Variants in COMMD7 observed in about 807,000 individuals in gnomAD.
COMMD7 encodes the protein COMM domain containing 7, also known as COMM domain-containing protein 7.
In COMMD7, 28 loss-of-function variants were observed where a neutral mutation model predicts 34.8. The observed-to-expected ratio is 0.80, with a 90% CI of 0.60 to 1.10. The LOEUF (loss-of-function observed/expected upper bound fraction) is 1.10. Among genes scored for constraint, COMMD7 ranks in the 50% least tolerant of loss-of-function variants. The pLI, the probability that COMMD7 is intolerant of heterozygous loss-of-function variation, is 0.00. For missense variants in COMMD7, 211 were observed against 241.6 expected (o/e 0.87, Z 0.84); for synonymous variants, 80 against 86.4 (o/e 0.93, Z 0.41).
At chr20:32,709,530 A>G (rs926019504) in intron 3 of COMMD7, among the ~76,000 whole-genome samples, 1 of 152,204 alleles carries the variant, frequency 6.6e-6, no homozygotes, top group Non-Finnish European at 1.5e-5. Flanking sequence ...AGCCTGGGCG[A>G]CAGAGCGAGA....
intron 8 of COMMD7, 164 bp from the exon 9 acceptor site, chr20:32,703,622 T>G (rs1983876175): frequency 6.9e-7 from 1 of 1,439,680 alleles, no homozygotes; most frequent in Non-Finnish European, 9.1e-7. Context: ...GAGACTTGAA[T>G]GCAGAAGGTT....
intron 1 of COMMD7, among the ~76,000 whole-genome samples, chr20:32,729,343 A>AT (rs1304409052): frequency 3.3e-5 from 5 of 151,246 alleles, no homozygotes; most frequent in Non-Finnish European, 7.4e-5. Context: ...TAATTTTTGT[A>AT]TTTTTAGTAG....
chr20:32,743,288 C>A lies in COMMD7; in HGVS notation c.84+20G>T. 2 of 1,506,548 alleles carry A rather than the reference C, an allele frequency of 1.3e-6. No individual in the cohort carries two copies. The highest frequency in any genetic ancestry group is 1.2e-5 in the South Asian group (1 of 82,150). The allele number at this position is 1,506,548 out of a possible 1,614,324, so 93.3% of individuals were successfully genotyped here. On this transcript the variant is annotated intron_variant, in intron 1 of 8. Coordinates refer to ENST00000278980, the MANE Select transcript of COMMD7 (RefSeq NM_053041.3). ...GGAATCACCTGGGCCCCGCGCCCCA[C>A]GCCCCGCCGCCGGGCCCACCTGCGC...
intron 1 of COMMD7, among the ~76,000 whole-genome samples, chr20:32,734,970 G>A (rs556249500): frequency 8.3e-4 from 126 of 151,882 alleles, no homozygotes; most frequent in African/African-American, 2.9e-3. Flanking sequence ...AGGCACGGTG[G>A]CTCATGCCTG....
intron 1 of COMMD7, among the ~76,000 whole-genome samples, chr20:32,731,451 G>A (rs893510492): frequency 6.6e-6 from 1 of 152,144 alleles, no homozygotes; most frequent in Non-Finnish European, 1.5e-5. Flanking sequence ...AACTATGATT[G>A]CGCCACTGCA....
intron 3 of COMMD7, among the ~76,000 whole-genome samples, chr20:32,720,413 T>C (rs566071274): frequency 6.6e-6 from 1 of 152,210 alleles, no homozygotes; most frequent in South Asian, 2.1e-4. Context: ...GAGAATCGCT[T>C]GAACCCGGGA....
At chr20:32,719,099 CAGATT>C in intron 3 of COMMD7, among the ~76,000 whole-genome samples, 1 of 152,256 alleles carries the variant, frequency 6.6e-6, no homozygotes, top group African/African-American at 2.4e-5. Context: ...TCTTACGTTG[CAGATT>C]AGATTAGGAA....
At chr20:32,728,187 G>C (rs375250239) in intron 1 of COMMD7, 45 bp from the exon 2 acceptor site, 73 of 1,593,562 alleles carry the variant, frequency 4.6e-5, no homozygotes, top group Non-Finnish European at 6.0e-5. Context: ...TTCTACTACT[G>C]GGTCAGCATG....
intron 3 of COMMD7, among the ~76,000 whole-genome samples, chr20:32,715,025 A>T (rs1047123624): frequency 2.0e-5 from 3 of 150,412 alleles, no homozygotes; most frequent in African/African-American, 7.3e-5. Flanking sequence ...AATAAAAATA[A>T]AAATAAATAA....
rs765177723 is a variant in COMMD7 at position 32,743,350 on chromosome 20, G to T, written c.42C>A (p.Ala14=). Residue 14 remains alanine (A), a synonymous_variant, in exon 1 of 9, where the codon GCC becomes GCA. Coordinates refer to ENST00000278980, the MANE Select transcript of COMMD7 (RefSeq NM_053041.3). ...TCAGCTGCTGCATGTCGCCGCCCACGGCCTCCGGCACCGGGTCCTCAGTGC... is the reference window on the plus strand; with the variant it reads ...TCAGCTGCTGCATGTCGCCGCCCACTGCCTCCGGCACCGGGTCCTCAGTGC... The part of the protein sequence containing the change: ...LHCTEDPVPE[A]VGGDMQQLNQ... The T allele has an allele frequency of 1.1e-4, 165 of 1,498,696 alleles. 2 individuals carry two copies. The South Asian group carries it at 1.7e-3, about 16-fold the overall frequency. The allele number at this position is 1,498,696 out of a possible 1,614,324, so 92.8% of individuals were successfully genotyped here. A position where few individuals can be genotyped will look rare whatever the true frequency, so the allele number is the denominator to read the frequency against.
At chr20:32,712,335 C>T (rs1429419497) in intron 3 of COMMD7, among the ~76,000 whole-genome samples, 2 of 147,734 alleles carry the variant, frequency 1.4e-5, no homozygotes, top group East Asian at 2.0e-4. Context: ...AGTGAAACTC[C>T]GTATCTACTA....
At chr20:32,712,147 G>A (rs1451625520) in intron 3 of COMMD7, among the ~76,000 whole-genome samples, 5 of 151,852 alleles carry the variant, frequency 3.3e-5, no homozygotes, top group South Asian at 4.2e-4. Flanking sequence ...GCAGGCGCCT[G>A]TAATCCCAGC....
intron 5 of COMMD7, among the ~76,000 whole-genome samples, chr20:32,705,405 G>A (rs1015962063): frequency 7.6e-5 from 11 of 144,186 alleles, no homozygotes; most frequent in Admixed American, 5.0e-4. Context: ...ATGGAGTCTC[G>A]CTCTGTTGCC....
At chr20:32,734,329 C>T (rs1046860724) in intron 1 of COMMD7, among the ~76,000 whole-genome samples, 3 of 151,540 alleles carry the variant, frequency 2.0e-5, no homozygotes, top group Non-Finnish European at 1.5e-5. Context: ...AAAAATTAGC[C>T]GGGCATGGTG....
chr20:32,727,120 T>TA (rs1555826154), intron 3 of COMMD7, among the ~76,000 whole-genome samples: 1 of 150,810 alleles, frequency 6.6e-6, no homozygotes, highest in Non-Finnish European at 1.5e-5. Flanking sequence ...CCCAGCTACT[T>TA]GGGGGTTGAG....
At chr20:32,705,283 A>G (rs1983995375) in intron 5 of COMMD7, among the ~76,000 whole-genome samples, 1 of 150,140 alleles carries the variant, frequency 6.7e-6, no homozygotes, top group Non-Finnish European at 1.5e-5. Context: ...ATCTGAGAGC[A>G]GTGAATTGGA....
At chr20:32,712,073 C>A (rs1480464420) in intron 3 of COMMD7, among the ~76,000 whole-genome samples, 1 of 151,468 alleles carries the variant, frequency 6.6e-6, no homozygotes, top group Non-Finnish European at 1.5e-5. Flanking sequence ...AGTTCGAGAC[C>A]AGCCTGACCA....
intron 6 of COMMD7, 21 bp from the exon 7 acceptor site, chr20:32,704,510 A>AG (rs774296487): frequency 1.4e-4 from 164 of 1,132,860 alleles, no homozygotes; most frequent in African/African-American, 9.6e-4. Context: ...AAAAAAAAAA[A>AG]AGAGAGAGAG....
chr20:32,718,276 C>T (rs562168322), intron 3 of COMMD7, among the ~76,000 whole-genome samples: 19 of 151,602 alleles, frequency 1.3e-4, no homozygotes, highest in Admixed American at 7.2e-4. Context: ...TGGTGGCGGG[C>T]GCCTGTGGTC....
Sources: gnomAD v4.1 joint callset for allele counts (sites outside exome capture counted in the v4.1 genomes callset) on GRCh38, gnomAD v4.1.1 for gene constraint, MANE v1.5 for transcripts, NCBI Gene and HGNC (gene_info 2026-07-23, HGNC 2026-07-21) for gene names.